The following METTL15 variants were observed in gnomAD, a reference collection of about 807,000 sequenced individuals.
The protein encoded by METTL15 is methyltransferase 15, mitochondrial 12S rRNA N4-cytidine.
In METTL15, 34 loss-of-function variants were observed where a neutral mutation model predicts 38.3. That is an observed-to-expected ratio of 0.89 (90% CI 0.68 to 1.18). The LOEUF is 1.18. Ranked by LOEUF, METTL15 falls within the 50% of genes most tolerant of loss-of-function variation. The pLI is 0.00. For missense variants in METTL15, 438 were observed against 498.4 expected, an observed-to-expected ratio of 0.88 and a Z score of 1.15; for synonymous variants, 162 against 170.9, an observed-to-expected ratio of 0.95 and a Z score of 0.41.
At chr11:28,279,622 C>T (rs185648007) in intron 4 of METTL15, among the ~76,000 whole-genome samples, 206 of 152,154 alleles carry the variant, frequency 1.4e-3, no homozygotes, top group Non-Finnish European at 2.2e-3. Context: ...CTAACATGGC[C>T]GGGTGCGGTG....
chr11:28,389,547 C>A (rs531889396), intron 5 of METTL15, among the ~76,000 whole-genome samples: 2 of 152,074 alleles, frequency 1.3e-5, no homozygotes, highest in African/African-American at 4.8e-5. Context: ...CATGTCCCTA[C>A]AAAGGACATG....
chr11:28,513,282 G>C (rs1440013358), intron 6 of METTL15, among the ~76,000 whole-genome samples: 1 of 152,188 alleles, frequency 6.6e-6, no homozygotes, highest in Non-Finnish European at 1.5e-5. Flanking sequence ...GGGAGACATG[G>C]GGTGGGGCAT....
intron 6 of METTL15, among the ~76,000 whole-genome samples, chr11:28,495,295 A>G (rs950772925): frequency 2.6e-5 from 4 of 152,202 alleles, no homozygotes; most frequent in African/African-American, 9.7e-5. Flanking sequence ...AAGAGGCAAC[A>G]ACTCATGAAA....
At chr11:28,438,254 C>A (rs951018842) in intron 6 of METTL15, among the ~76,000 whole-genome samples, 3 of 152,208 alleles carry the variant, frequency 2.0e-5, no homozygotes, top group Non-Finnish European at 4.4e-5. Flanking sequence ...GTGCACTATT[C>A]TCTCTAGGAG....
intron 4 of METTL15, among the ~76,000 whole-genome samples, chr11:28,232,237 A>C (rs1853715994): frequency 6.6e-6 from 1 of 151,918 alleles, no homozygotes; most frequent in African/African-American, 2.4e-5. Context: ...ACCATATCCT[A>C]TCTTCCAGTG....
intron 6 of METTL15, among the ~76,000 whole-genome samples, chr11:28,308,721 C>A (rs1857164581): frequency 6.6e-6 from 1 of 151,906 alleles, no homozygotes; most frequent in South Asian, 2.1e-4. Flanking sequence ...TATGGTATAT[C>A]ACCAAAGCAT....
At chr11:28,256,748 G>A (rs74855666) in intron 4 of METTL15, among the ~76,000 whole-genome samples, 1 of 151,450 alleles carries the variant, frequency 6.6e-6, no homozygotes, top group Non-Finnish European at 1.5e-5. Context: ...CTAATTTTGG[G>A]TTTGCTTTGT....
At chr11:28,473,127 G>T (rs1461073559) in intron 6 of METTL15, among the ~76,000 whole-genome samples, 1 of 152,136 alleles carries the variant, frequency 6.6e-6, no homozygotes, top group African/African-American at 2.4e-5. Flanking sequence ...TTCAACAGCT[G>T]AGATGGTTTT....
chr11:28,253,176 G>A (rs545444276), intron 4 of METTL15, among the ~76,000 whole-genome samples: 27 of 152,082 alleles, frequency 1.8e-4, no homozygotes, highest in African/African-American at 6.3e-4. Context: ...AGTCTAATTA[G>A]CTACTTGAAA....
chr11:28,111,734 T>C (rs1415934901), intron 2 of METTL15, among the ~76,000 whole-genome samples: 1 of 152,168 alleles, frequency 6.6e-6, no homozygotes, highest in Non-Finnish European at 1.5e-5. Context: ...TCAAGAGTCG[T>C]GGTAAGGATT....
intron 5 of METTL15, among the ~76,000 whole-genome samples, chr11:28,404,726 C>T (rs1052469388): frequency 2.0e-5 from 3 of 152,070 alleles, no homozygotes; most frequent in Non-Finnish European, 4.4e-5. Context: ...AAACCATAGG[C>T]CAACGTCGCA....
intron 5 of METTL15, among the ~76,000 whole-genome samples, chr11:28,373,889 G>C (rs532870489): frequency 1.3e-5 from 2 of 152,118 alleles, no homozygotes; most frequent in Admixed American, 6.5e-5. Context: ...CATATGGCTA[G>C]CCAGTTTTCC....
chr11:28,532,290 A>G, the METTL15 span, among the ~76,000 whole-genome samples: 4 of 152,180 alleles, frequency 2.6e-5, no homozygotes, highest in South Asian at 8.3e-4. Context: ...TGTATATTTT[A>G]AGAAATGAAT....
rs555810923 is a variant in METTL15 at position 28,122,656 on chromosome 11, A to T, written c.270+9052A>T. Among the ~76,000 whole-genome samples, 4 of 151,728 alleles carry T rather than the reference A, an allele frequency of 2.6e-5. No individual in the cohort carries two copies. In the East Asian group the frequency reaches 7.7e-4, roughly 29 times the overall value. ...TTCAAATCTAATAATTACAGTGTAT[A>T]TTGAATGTATAACTTTTTTTTAAAA... On this transcript the variant is annotated intron_variant, in intron 3 of 6. Transcript: ENST00000407364.
intron 6 of METTL15, among the ~76,000 whole-genome samples, chr11:28,462,479 T>TACACACAC (rs10573384): frequency 1.6e-4 from 24 of 146,432 alleles, no homozygotes; most frequent in African/African-American, 4.8e-4. Context: ...CATACACGCT[T>TACACACAC]ACACACACAC....
rs544616053 is a variant in METTL15 at position 28,129,473 on chromosome 11, G to A, written c.270+15869G>A. 4.0e-5 allele frequency among the ~76,000 whole-genome samples: 6 copies of A among 151,108 alleles called. No homozygotes were observed. In the South Asian group the frequency reaches 8.3e-4, roughly 21 times the overall value. On this transcript the variant is annotated intron_variant, in intron 3 of 6. Coordinates refer to ENST00000407364, the MANE Select transcript of METTL15 (RefSeq NM_001113528.2). ...TGCCTAGGCTGGAGTGCAGTGGCAC[G>A]ATCTTGGCTCACTGCAACCTCCTCC...
At chr11:28,155,748 A>G (rs993505492) in intron 3 of METTL15, among the ~76,000 whole-genome samples, 6 of 152,194 alleles carry the variant, frequency 3.9e-5, no homozygotes, top group Non-Finnish European at 8.8e-5. Flanking sequence ...TATAATGAGG[A>G]TAATAACTCC....
chr11:28,374,015 A>C (rs896520288), intron 5 of METTL15, among the ~76,000 whole-genome samples: 78 of 152,136 alleles, frequency 5.1e-4, no homozygotes, highest in African/African-American at 1.8e-3. Context: ...GTTCTGTTCC[A>C]TTGATCTGTA....
chr11:28,334,860 G>C (rs547253150), downstream of METTL15, among the ~76,000 whole-genome samples: 2 of 152,206 alleles, frequency 1.3e-5, no homozygotes, highest in East Asian at 1.9e-4. Flanking sequence ...TATAATGCTT[G>C]TCACTGACTT....
Sources: allele counts gnomAD v4.1 joint callset (sites outside exome capture counted in the v4.1 genomes callset), GRCh38; gene constraint gnomAD v4.1.1; transcripts MANE v1.5; gene names NCBI Gene and HGNC (gene_info 2026-07-23, HGNC 2026-07-21).